Variants in GINS4 observed in about 807,000 individuals in gnomAD.
GINS4 encodes DNA replication complex GINS protein SLD5.
GINS4 carries 20 observed loss-of-function variants against 31.1 expected under a neutral mutation model. The observed-to-expected ratio is 0.64, with a 90% confidence interval of 0.45 to 0.93. The LOEUF (loss-of-function observed/expected upper bound fraction) is 0.93. GINS4 is among the 40% of genes least tolerant of loss of function. The pLI, the probability that GINS4 is intolerant of heterozygous loss-of-function variation, is 0.00. For missense variants in GINS4, 245 were observed against 273.9 expected, an observed-to-expected ratio of 0.89 and a Z score of 0.75; for synonymous variants, 85 against 97.9, an observed-to-expected ratio of 0.87 and a Z score of 0.78.
intron 2 of GINS4, chr8:41,534,303 A>G: frequency 2.5e-6 from 1 of 395,380 alleles, no homozygotes; most frequent in South Asian, 1.9e-5. Context: ...GCTACTCTGG[A>G]GGCTGAGGCA....
In GINS4 at chr8:41,539,702, C is replaced by T; in HGVS notation, c.322C>T (p.Leu108Phe). ...GATAGAGAAGTTTTTCCCTCATGTC[C>T]TTGAGAAGGAAAAAACACGTCCTGA... ...MKIEKFFPHV[L>F]EKEKTRPEGE... The change falls in exon 5 of 8, where the codon CTT becomes TTT. Residue 108 changes from leucine (L) to phenylalanine (F), a missense_variant. Leu to Phe is a conservative substitution (Grantham distance 22, BLOSUM62 0). Transcript: ENST00000276533. 6.2e-7 allele frequency: 1 copy of T among 1,613,842 alleles called. No individual in the cohort carries two copies. The highest frequency in any genetic ancestry group is 1.3e-5 in the African/African-American group (1 of 75,012).
chr8:41,532,426 C>T (rs1201690825), intron 2 of GINS4, among the ~76,000 whole-genome samples: 5 of 151,010 alleles, frequency 3.3e-5, no homozygotes, highest in African/African-American at 1.2e-4. Flanking sequence ...CGCAGTGGCT[C>T]ATGCCTGTAG....
intron 1 of GINS4, chr8:41,529,861 A>G (rs1806624421): frequency 5.0e-6 from 1 of 198,516 alleles, no homozygotes; most frequent in Admixed American, 5.8e-5. Context: ...TATTTGAACT[A>G]AAACGAACCC....
At chr8:41,539,850 C>T (rs1315816774) in intron 5 of GINS4, 66 bp from the exon 6 acceptor site, 15 of 1,579,038 alleles carry the variant, frequency 9.5e-6, no homozygotes, top group Non-Finnish European at 1.3e-5. Context: ...CTGTGCGCTG[C>T]TGCCTGCTAA....
chr8:41,537,582 G>A (rs117293920), intron 4 of GINS4: 10,304 of 291,922 alleles, frequency 0.035, 228 homozygotes, highest in East Asian at 0.057. Flanking sequence ...TAAAGGGAGA[G>A]TTGTTGGCAT....
chr8:41,533,806 C>G (rs771711967), intron 2 of GINS4, among the ~76,000 whole-genome samples: 1 of 152,140 alleles, frequency 6.6e-6, no homozygotes, highest in Non-Finnish European at 1.5e-5. Context: ...AGGCTGAGGT[C>G]AAAGTGCCAG....
In GINS4 at chr8:41,537,253, G is replaced by A. The variant is rs375701440; in HGVS notation, c.257G>A (p.Arg86His). The A allele has an allele frequency of 3.4e-5, 55 of 1,613,756 alleles. No individual in the cohort carries two copies. Among genetic ancestry groups the A allele is most frequent in the Non-Finnish European group, 3.9e-5 (46 of 1,179,834 alleles). ...SIHQMEMERI[R>H]YVLSSYLRCR... is the part of the protein sequence containing the mutation. Reference sequence around the variant, plus strand: ...CACCAAATGGAGATGGAGAGGATCCGCTACGTCCTCAGCAGCTACTTGCGG... The same window carrying A: ...CACCAAATGGAGATGGAGAGGATCCACTACGTCCTCAGCAGCTACTTGCGG... The change falls in exon 4 of 8, where the codon CGC becomes CAC. Residue 86 changes from arginine (R) to histidine (H), a missense_variant. Physicochemically the swap from Arg to His is conservative, Grantham distance 29. Coordinates refer to ENST00000276533, the MANE Select transcript of GINS4 (RefSeq NM_032336.3).
Position 41,530,183 on chromosome 8 carries a change from G to A in GINS4, c.-19-1G>A, listed in dbSNP as rs2150456455. On this transcript the variant is annotated splice_acceptor_variant, in intron 1 of 7. Transcript: ENST00000276533. LOFTEE classifies it low-confidence loss of function (5UTR_SPLICE). ...AGTATTGGTTCTTTCCCTCTCATTAGGTTCCTGGTTTCAGAGAAGATGACC... is the reference window on the plus strand; with the variant it reads ...AGTATTGGTTCTTTCCCTCTCATTAAGTTCCTGGTTTCAGAGAAGATGACC... 1.3e-6 allele frequency: 2 copies of A among 1,564,370 alleles called. No individual in the cohort carries two copies. The highest frequency in any genetic ancestry group is 1.8e-6 in the Non-Finnish European group (2 of 1,135,690).
At chr8:41,531,511 T>C (rs1806647640) in intron 2 of GINS4, among the ~76,000 whole-genome samples, 1 of 152,210 alleles carries the variant, frequency 6.6e-6, no homozygotes, top group East Asian at 1.9e-4. Flanking sequence ...ATACATGATA[T>C]CACGAATGAC....
At chr8:41,537,094 C>A in intron 3 of GINS4, 86 bp from the exon 4 acceptor site, 1 of 780,772 alleles carries the variant, frequency 1.3e-6, no homozygotes, top group Non-Finnish European at 2.2e-6. Flanking sequence ...TTTCCTTGGA[C>A]TGAAACATAG....
At chr8:41,535,539 A>T (rs1344643824) in intron 2 of GINS4, among the ~76,000 whole-genome samples, 1 of 152,138 alleles carries the variant, frequency 6.6e-6, no homozygotes, top group African/African-American at 2.4e-5. Context: ...AGCATTTGGT[A>T]ATGTGTCTTG....
chr8:41,537,374 GGGGCCCAGGA>G, intron 4 of GINS4, 81 bp downstream of exon 4: 1 of 1,051,670 alleles, frequency 9.5e-7, no homozygotes, highest in South Asian at 1.4e-5. Flanking sequence ...AACTTGGGCT[GGGGCCCAGGA>G]GGGTCCAGGA....
intron 2 of GINS4, among the ~76,000 whole-genome samples, chr8:41,533,759 G>A (rs552842224): frequency 1.3e-5 from 2 of 152,338 alleles, no homozygotes; most frequent in South Asian, 2.1e-4. Context: ...CCCAAAGACT[G>A]GGTGGCTTAA....
At chr8:41,534,258 T>A in intron 2 of GINS4, 1 of 427,960 alleles carries the variant, frequency 2.3e-6, no homozygotes. Flanking sequence ...AATTTAAAAA[T>A]TAGCCAGGCT....
At position 41,541,973 on chromosome 8, in the gene GINS4, T is replaced by C; in HGVS notation, c.576-18T>C. The C allele has an allele frequency of 1.2e-6, 2 of 1,612,658 alleles. No homozygotes were observed. On this transcript the variant is annotated intron_variant, in intron 7 of 7. Coordinates refer to ENST00000276533, the MANE Select transcript of GINS4 (RefSeq NM_032336.3). The stretch of plus-strand genomic sequence containing the variant: ...GCCAGCCGAGCTCTGCAGGCAAATG[T>C]GTTTCCCTCTTTTTCAGGGACTACG...
At chr8:41,532,427 A>T (rs1000702407) in intron 2 of GINS4, among the ~76,000 whole-genome samples, 1 of 151,088 alleles carries the variant, frequency 6.6e-6, no homozygotes, top group Non-Finnish European at 1.5e-5. Context: ...GCAGTGGCTC[A>T]TGCCTGTAGT....
Position 41,542,208 on chromosome 8 carries a change from C to A in GINS4, c.*121C>A. On this transcript the variant is annotated 3_prime_UTR_variant, in exon 8 of 8. Coordinates refer to ENST00000276533, the MANE Select transcript of GINS4 (RefSeq NM_032336.3). ...ACCAACCGACCAACATGGTGAAACC[C>A]CATCTTTACTAAAAATACAAAATAA... The A allele has an allele frequency of 2.8e-6, 2 of 716,858 alleles. No individual in the cohort carries two copies. The highest frequency in any genetic ancestry group is 5.0e-6 in the Non-Finnish European group (2 of 397,904). 44.4% of individuals were successfully genotyped at this position (716,858 alleles called of 1,614,324 possible). A position where few individuals can be genotyped will look rare whatever the true frequency, so the allele number is the denominator to read the frequency against.
chr8:41,537,304 G>C lies in GINS4; in HGVS notation c.297+11G>C. On this transcript the variant is annotated intron_variant, in intron 4 of 7. Coordinates refer to ENST00000276533, the MANE Select transcript of GINS4 (RefSeq NM_032336.3). ...TGTCGCCTCATGAAGGTTTGACGTGGAGATACCTGGAGGGATTGAGACAGC... is the reference window on the plus strand; with the variant it reads ...TGTCGCCTCATGAAGGTTTGACGTGCAGATACCTGGAGGGATTGAGACAGC... 1 of 1,551,210 alleles carries C rather than the reference G, an allele frequency of 6.4e-7. No individual in the cohort carries two copies. Among genetic ancestry groups the C allele is most frequent in the Non-Finnish European group, 8.9e-7 (1 of 1,125,246 alleles).
intron 1 of GINS4, 137 bp from the exon 2 acceptor site, chr8:41,530,047 G>C (rs1186335739): frequency 2.8e-5 from 16 of 581,638 alleles, no homozygotes; most frequent in Admixed American, 1.6e-4. Context: ...GAGTCCCTGC[G>C]TTCTCTCACC....
Sources: allele counts gnomAD v4.1 joint callset (sites outside exome capture counted in the v4.1 genomes callset), GRCh38; gene constraint gnomAD v4.1.1; transcripts MANE v1.5; gene names NCBI Gene and HGNC (gene_info 2026-07-23, HGNC 2026-07-21).